Variants in COL22A1 observed in about 807,000 individuals in gnomAD.
COL22A1 encodes the protein collagen type XXII alpha 1 chain.
In COL22A1, 221 loss-of-function variants were observed where a neutral mutation model predicts 248.9. That is an observed-to-expected ratio of 0.89 (90% CI 0.80 to 0.99). The LOEUF (loss-of-function observed/expected upper bound fraction) is 0.99, where lower values mean the gene tolerates loss of function less well. Ranked by LOEUF, COL22A1 falls within the 50% of genes least tolerant of loss-of-function variation. COL22A1 has a pLI of 0.00. For synonymous variants in COL22A1, 891 were observed against 793.4 expected (o/e 1.12, Z -2.07); for missense variants, 2,240 against 2,179.0 (o/e 1.03, Z -0.56).
chr8:138,790,146 A>G (rs1174320532), intron 12 of COL22A1, among the ~76,000 whole-genome samples: 1 of 152,188 alleles, frequency 6.6e-6, no homozygotes, highest in Non-Finnish European at 1.5e-5. Flanking sequence ...ACTGTTCCAG[A>G]GGCTGGAAAA....
intron 15 of COL22A1, chr8:138,777,875 T>C (rs1030275773): frequency 5.7e-6 from 1 of 174,472 alleles, no homozygotes; most frequent in African/African-American, 2.4e-5. Context: ...TGTTAAATGG[T>C]CGAGAAGCTA....
chr8:138,631,381 G>T (rs958849758), intron 49 of COL22A1, among the ~76,000 whole-genome samples: 1 of 152,090 alleles, frequency 6.6e-6, no homozygotes, highest in Non-Finnish European at 1.5e-5. Flanking sequence ...TTTTAGGACG[G>T]GCCAATGCAT....
At chr8:138,591,592 A>T in intron 63 of COL22A1, 91 bp from the exon 64 acceptor site, 1 of 998,420 alleles carries the variant, frequency 1.0e-6, no homozygotes, top group South Asian at 2.1e-5. Flanking sequence ...CAGGGGCAGC[A>T]CTGGGCTGCT....
intron 41 of COL22A1, among the ~76,000 whole-genome samples, chr8:138,673,258 T>A (rs1825203070): frequency 1.3e-5 from 2 of 150,770 alleles, no homozygotes; most frequent in Non-Finnish European, 2.9e-5. Flanking sequence ...CTGCCCAGGC[T>A]GGAGTACAGT....
chr8:138,722,797 C>G (rs1829972447), intron 25 of COL22A1, among the ~76,000 whole-genome samples: 1 of 136,938 alleles, frequency 7.3e-6, no homozygotes, highest in African/African-American at 2.8e-5. Flanking sequence ...ACCAGAGACA[C>G]TTCATCTTCT....
chr8:138,668,194 C>A (rs184786237), intron 41 of COL22A1, among the ~76,000 whole-genome samples: 289 of 152,076 alleles, frequency 1.9e-3, no homozygotes, highest in Middle Eastern at 3.4e-3. Flanking sequence ...AAATTCTTAT[C>A]TTTTAGAAAC....
intron 23 of COL22A1, among the ~76,000 whole-genome samples, chr8:138,728,031 T>G (rs560965623): frequency 6.6e-6 from 1 of 152,126 alleles, no homozygotes; most frequent in South Asian, 2.1e-4. Context: ...AATGTTTTTT[T>G]GTTTTTGTTT....
rs186686208 is a variant in COL22A1, at chr8:138,609,578, C to T, written c.3979-1589G>A. On this transcript the variant is annotated intron_variant, in intron 56 of 64. Transcript: ENST00000303045. ...TACCCATACTCGGCCCTTCCGCGAACGCTGCATAACGCTTCTCCCTGCACC... is the reference window on the plus strand; with the variant it reads ...TACCCATACTCGGCCCTTCCGCGAATGCTGCATAACGCTTCTCCCTGCACC... Among the ~76,000 whole-genome samples the T allele has an allele frequency of 3.3e-5, 5 of 152,326 alleles. No individual in the cohort carries two copies. In the East Asian group the frequency reaches 7.7e-4, roughly 24 times the overall value.
Position 138,589,372 on chromosome 8 carries a change from C to T in COL22A1, c.4762G>A (p.Gly1588Arg). Residue 1588 changes from glycine to arginine, a missense_variant, in exon 65 of 65, where the codon GGA becomes AGA. Coordinates refer to ENST00000303045, the MANE Select transcript of COL22A1 (RefSeq NM_152888.3). ...PGIPGPQGET[G>R]PAGHPGLPGP... ...GGGAGGCCAGGATGTCCAGCTGGTC[C>T]TGTCTCCCCTTGAGGGCCAGGGATC... The T allele has an allele frequency of 6.2e-7, 1 of 1,608,972 alleles. No homozygotes were observed. The highest frequency in any genetic ancestry group is 8.5e-7 in the Non-Finnish European group (1 of 1,177,570).
At chr8:138,612,803 G>A (rs188285009) in intron 56 of COL22A1, among the ~76,000 whole-genome samples, 1 of 152,070 alleles carries the variant, frequency 6.6e-6, no homozygotes, top group Non-Finnish European at 1.5e-5. Flanking sequence ...CGGCGTGGTG[G>A]CACGCACCTG....
At chr8:138,645,795 G>T (rs1026143050) in intron 47 of COL22A1, among the ~76,000 whole-genome samples, 1 of 152,216 alleles carries the variant, frequency 6.6e-6, no homozygotes, top group Non-Finnish European at 1.5e-5. Flanking sequence ...GATGAGGCAT[G>T]CTATGTCCAG....
chr8:138,880,653 G>T (rs1017089129), intron 2 of COL22A1, among the ~76,000 whole-genome samples: 1 of 152,172 alleles, frequency 6.6e-6, no homozygotes, highest in Non-Finnish European at 1.5e-5. Flanking sequence ...TTACATCCCA[G>T]CCTTAGCAGG....
At chr8:138,713,347 C>T (rs573215075) in intron 30 of COL22A1, among the ~76,000 whole-genome samples, 12 of 152,184 alleles carry the variant, frequency 7.9e-5, no homozygotes, top group African/African-American at 2.9e-4. Flanking sequence ...TTAGTTCTTT[C>T]ACCTATAAAC....
intron 8 of COL22A1, 78 bp downstream of exon 8, chr8:138,812,861 C>G: frequency 8.8e-7 from 1 of 1,130,568 alleles, no homozygotes; most frequent in East Asian, 2.3e-5. Context: ...CCACCCAACC[C>G]TAAGCTCTGG....
chr8:138,902,787 A>ACACACACAC (rs1563907595), intron 1 of COL22A1, among the ~76,000 whole-genome samples: 8 of 95,636 alleles, frequency 8.4e-5, no homozygotes. Flanking sequence ...CACACACACT[A>ACACACACAC]GAACTGACTG....
chr8:138,670,975 A>G (rs1824974791), intron 41 of COL22A1, among the ~76,000 whole-genome samples: 1 of 149,756 alleles, frequency 6.7e-6, no homozygotes, highest in South Asian at 2.1e-4. Context: ...AAAAAAAAAA[A>G]AAAAAAAAAA....
chr8:138,639,652 A>AG (rs1377197444), intron 47 of COL22A1, among the ~76,000 whole-genome samples: 5 of 151,954 alleles, frequency 3.3e-5, no homozygotes, highest in Admixed American at 6.6e-5. Flanking sequence ...GTTTTTTTTT[A>AG]GGGGGGGTCT....
chr8:138,881,853 A>G (rs1490811808), intron 2 of COL22A1, among the ~76,000 whole-genome samples: 2 of 152,032 alleles, frequency 1.3e-5, no homozygotes, highest in African/African-American at 4.8e-5. Flanking sequence ...GGGGTTGTGG[A>G]CCCTGACCCC....
At position 138,616,897 on chromosome 8, in the gene COL22A1, G is replaced by A; in HGVS notation, c.3870+17C>T. 1 of 1,614,036 alleles carries A rather than the reference G, an allele frequency of 6.2e-7. No individual in the cohort carries two copies. The highest frequency in any genetic ancestry group is 1.7e-4 in the Middle Eastern group (1 of 5,926). ...CTGCCCACCTGGGGGGACCTCCAAA[G>A]TGAGGCGCCCACTTACCCGGGGACC... On this transcript the variant is annotated intron_variant, in intron 54 of 64. Coordinates refer to ENST00000303045, the MANE Select transcript of COL22A1 (RefSeq NM_152888.3).
Sources: gnomAD v4.1 joint callset for allele counts (sites outside exome capture counted in the v4.1 genomes callset) on GRCh38, gnomAD v4.1.1 for gene constraint, MANE v1.5 for transcripts, NCBI Gene and HGNC (gene_info 2026-07-23, HGNC 2026-07-21) for gene names.